The following ZNF418 variants were observed in gnomAD, a reference collection of about 807,000 sequenced individuals.
The protein encoded by ZNF418 is zinc finger protein 418.
A neutral mutation model predicts 32.0 loss-of-function variants in ZNF418; 32 were observed. The observed-to-expected ratio is 1.00, with a 90% confidence interval of 0.75 to 1.34. The LOEUF is 1.34. Ranked by LOEUF, ZNF418 falls within the 40% of genes most tolerant of loss-of-function variation. The probability of loss-of-function intolerance (pLI) is 0.00; values close to 1 mark genes in which losing one functional copy is unlikely to be tolerated. For missense variants in ZNF418, 804 were observed against 812.5 expected (o/e 0.99, Z 0.13); for synonymous variants, 276 against 270.7 (o/e 1.02, Z -0.19).
chr19:57,924,950 C>G (rs983644726), intron 4 of ZNF418, among the ~76,000 whole-genome samples: 5 of 152,172 alleles, frequency 3.3e-5, no homozygotes, highest in Non-Finnish European at 5.9e-5. Context: ...ATTCTGTCAT[C>G]ATACTGTCCC....
In ZNF418 at chr19:57,933,844, G is replaced by A. The variant is rs751223861; in HGVS notation, c.-22C>T. 1.2e-6 allele frequency: 2 copies of A among 1,614,114 alleles called. No homozygotes were observed. Among genetic ancestry groups the A allele is most frequent in the East Asian group, 4.5e-5 (2 of 44,878 alleles). On this transcript the variant is annotated 5_prime_UTR_variant, in exon 2 of 6. Transcript: ENST00000396147. ...GCATTATGGCAGGAGTTTAAACTCT[G>A]ATCCTCCTTCCTCCTCCCTCAAACA...
chr19:57,934,029 C>T (rs2072592009), intron 1 of ZNF418, 127 bp from the exon 2 acceptor site: 3 of 1,472,880 alleles, frequency 2.0e-6, no homozygotes, highest in Non-Finnish European at 2.7e-6. Flanking sequence ...AGTATGTTTA[C>T]ATGGGTTGAC....
In ZNF418 at chr19:57,932,744, C is replaced by T. The variant is rs940286095; in HGVS notation, c.6+1073G>A. Reference sequence around the variant, plus strand: ...TGTCTGTCACAGATAACCAAATTTACCCTGAGCATGTATCCACCAGGCCGA... The same window carrying T: ...TGTCTGTCACAGATAACCAAATTTATCCTGAGCATGTATCCACCAGGCCGA... On this transcript the variant is annotated intron_variant, in intron 2 of 5. Coordinates refer to ENST00000396147, the MANE Select transcript of ZNF418 (RefSeq NM_133460.3). 6.5e-6 allele frequency: 5 copies of T among 766,990 alleles called. No homozygotes were observed. In the African/African-American group the frequency reaches 7.1e-5, roughly 11 times the overall value. The allele number at this position is 766,990 out of a possible 1,614,324, so 47.5% of individuals were successfully genotyped here. A position where few individuals can be genotyped will look rare whatever the true frequency, so the allele number is the denominator to read the frequency against.
chr19:57,922,909 A>C (rs185474048), intron 5 of ZNF418, among the ~76,000 whole-genome samples: 59 of 149,878 alleles, frequency 3.9e-4, no homozygotes, highest in Non-Finnish European at 7.1e-4. Context: ...CTGAGGTGGG[A>C]GGATGACTTG....
In ZNF418 at chr19:57,926,375, T is replaced by C; in HGVS notation, c.1806A>G (p.Arg602=). The change falls in exon 4 of 6, where the codon CGA becomes CGG. Residue 602 remains arginine (R), a synonymous_variant. Transcript: ENST00000396147. ...TCTGATGTTTAAAATGCGCAGACCT[T>C]CGAGTAAATGTTTTTCCACATTCCC... The part of the protein sequence containing the change: ...ECRECGKTFT[R]RSAHFKHQRL... The C allele has an allele frequency of 6.2e-7, 1 of 1,612,792 alleles. No homozygotes were observed. The highest frequency in any genetic ancestry group is 8.5e-7 in the Non-Finnish European group (1 of 1,179,024).
Position 57,927,181 on chromosome 19 carries a change from G to C in ZNF418, c.1000C>G (p.Arg334Gly). Residue 334 changes from arginine to glycine, a missense_variant, in exon 4 of 6, where the codon CGA (arginine) becomes GGA (glycine). Physicochemically the swap from Arg to Gly is moderately radical, Grantham distance 125. Transcript: ENST00000396147. ...SQNGTLIKHQ[R>G]VHTGERPYEC... ...TAAGGTCTTTCTCCAGTGTGAACTCGTTGATGTTTAATGAGAGTACCATTT... is the reference window on the plus strand; with the variant it reads ...TAAGGTCTTTCTCCAGTGTGAACTCCTTGATGTTTAATGAGAGTACCATTT... 3.7e-6 allele frequency: 6 copies of C among 1,613,530 alleles called. No individual in the cohort carries two copies. The highest frequency in any genetic ancestry group is 1.3e-5 in the African/African-American group (1 of 74,814).
rs530027854 is a variant in ZNF418, at chr19:57,924,607, T to A, written c.*527+1016A>T. ...ACTGCCTATAAATGCAGAAATTCTA[T>A]AAATTATGACTTCCTGTTATAATCT... On this transcript the variant is annotated intron_variant, in intron 4 of 5. Transcript: ENST00000396147. 5.3e-5 allele frequency among the ~76,000 whole-genome samples: 8 copies of A among 152,292 alleles called. No homozygotes were observed. In the East Asian group the frequency reaches 1.5e-3, roughly 29 times the overall value.
chr19:57,932,723 T>C, intron 2 of ZNF418: 1 of 1,044,296 alleles, frequency 9.6e-7, no homozygotes, highest in African/African-American at 1.6e-5. Flanking sequence ...GCCCAATGTC[T>C]GTCACAGATA....
chr19:57,934,865 C>G (rs542841293), intron 1 of ZNF418: 163 of 436,960 alleles, frequency 3.7e-4, no homozygotes, highest in Non-Finnish European at 5.6e-4. Flanking sequence ...TACACAGCCC[C>G]CAGCCTGCTC....
At chr19:57,923,671 T>C (rs2072098782) in intron 4 of ZNF418, among the ~76,000 whole-genome samples, 1 of 151,570 alleles carries the variant, frequency 6.6e-6, no homozygotes, top group South Asian at 2.1e-4. Flanking sequence ...ACCTCCCGGG[T>C]TCACTCCATT....
rs997489516 is a variant in ZNF418 at position 57,925,116 on chromosome 19, G to A, written c.*527+507C>T. Among the ~76,000 whole-genome samples the A allele has an allele frequency of 4.2e-4, 64 of 152,118 alleles. 3 individuals carry two copies. Among genetic ancestry groups the A allele is most frequent in the Admixed American group, 3.3e-4 (5 of 15,260 alleles). ...AAGGCCTTATTCATTGCACAAATCA[G>A]AGCAATGGGAAGCAGAATGTTCTTT... On this transcript the variant is annotated intron_variant, in intron 4 of 5. Coordinates refer to ENST00000396147, the MANE Select transcript of ZNF418 (RefSeq NM_133460.3).
At chr19:57,932,492 G>A (rs1217603355) in intron 2 of ZNF418, 18 of 1,535,218 alleles carry the variant, frequency 1.2e-5, no homozygotes, top group East Asian at 9.8e-5. Flanking sequence ...AGGCCTTCTT[G>A]CATGGCTCCA....
chr19:57,930,608 C>T (rs1176337454), intron 2 of ZNF418, 54 bp from the exon 3 acceptor site: 15 of 1,609,050 alleles, frequency 9.3e-6, no homozygotes, highest in African/African-American at 2.7e-5. Context: ...TGAGGTACCA[C>T]AATCCACCTC....
rs141459349 is a variant in ZNF418 at position 57,926,748 on chromosome 19, C to T, written c.1433G>A (p.Gly478Glu). 636 of 1,614,160 alleles carry T rather than the reference C, an allele frequency of 3.9e-4. 5 individuals carry two copies. In the East Asian group the frequency reaches 0.012, roughly 30 times the overall value. ...TTCATTACATTCATATGGCCTTTCTCCAGTGTGAACTCTCTGGTGTTCAAT... is the reference window on the plus strand; with the variant it reads ...TTCATTACATTCATATGGCCTTTCTTCAGTGTGAACTCTCTGGTGTTCAAT... ...HLIEHQRVHTGERPYECNECG... is the reference protein window; with the variant it reads ...HLIEHQRVHTEERPYECNECG... Residue 478 changes from glycine (G) to glutamate (E), a missense_variant, in exon 4 of 6, where the codon GGA (glycine) becomes GAA (glutamate). Transcript: ENST00000396147.
chr19:57,931,337 G>C lies in ZNF418; in HGVS notation c.7-783C>G, dbSNP rs528247971. On this transcript the variant is annotated intron_variant, in intron 2 of 5. Coordinates refer to ENST00000396147, the MANE Select transcript of ZNF418 (RefSeq NM_133460.3). ...CTGCCTCAGCCTCCCAAGTAACTGG[G>C]ATTACAGGCACCCACCACCACACCT... Among the ~76,000 whole-genome samples the C allele has an allele frequency of 2.0e-5, 3 of 152,120 alleles. No individual in the cohort carries two copies. The South Asian group carries it at 6.2e-4, about 32-fold the overall frequency.
Position 57,927,252 on chromosome 19 carries a change from C to G in ZNF418, c.929G>C (p.Gly310Ala). ...SLVQHQRVHT[G>A]ERPYECGECG... ...TTCTCCACACTCATAAGGTCTTTCT[C>G]CAGTATGAACTCGCTGATGCTGAAC... The change falls in exon 4 of 6, where the codon GGA becomes GCA. Residue 310 changes from glycine to alanine, a missense_variant. Around this residue, in one of 3 missense-constraint regions of ZNF418, gnomAD observed 475 missense variants for 458.6 expected, o/e 1.04. Coordinates refer to ENST00000396147, the MANE Select transcript of ZNF418 (RefSeq NM_133460.3). 1 of 1,614,194 alleles carries G rather than the reference C, an allele frequency of 6.2e-7. No homozygotes were observed. The highest frequency in any genetic ancestry group is 8.5e-7 in the Non-Finnish European group (1 of 1,180,038).
Sources: gnomAD v4.1 joint callset for allele counts (sites outside exome capture counted in the v4.1 genomes callset) on GRCh38, gnomAD v4.1.1 for gene constraint, gnomAD v4.1.1 regional missense constraint, MANE v1.5 for transcripts, NCBI Gene and HGNC (gene_info 2026-07-23, HGNC 2026-07-21) for gene names.